TNR: variants seen among roughly 807,000 people sequenced by gnomAD.
The protein encoded by TNR is tenascin-R.
In TNR, 45 loss-of-function variants were observed where a neutral mutation model predicts 150.4. The ratio of observed to expected loss-of-function variants is 0.30; its 90% CI spans 0.24 to 0.38. The LOEUF (loss-of-function observed/expected upper bound fraction) is 0.38, where lower values mean the gene tolerates loss of function less well. Among genes scored for constraint, TNR ranks in the 10% least tolerant of loss-of-function variants. The pLI is 1.00. For missense variants in TNR, 1,544 were observed against 1,759.1 expected, an observed-to-expected ratio of 0.88 and a Z score of 2.19; for synonymous variants, 687 against 678.4, an observed-to-expected ratio of 1.01 and a Z score of -0.20.
intron 1 of TNR, among the ~76,000 whole-genome samples, chr1:175,727,186 C>A (rs1667503831): frequency 6.6e-6 from 1 of 152,176 alleles, no homozygotes; most frequent in Admixed American, 6.5e-5. Flanking sequence ...AATTGTGAAT[C>A]TTTTTAGAAG....
At chr1:175,523,679 T>A (rs1459944941) in intron 2 of TNR, among the ~76,000 whole-genome samples, 1 of 152,182 alleles carries the variant, frequency 6.6e-6, no homozygotes, top group African/African-American at 2.4e-5. Context: ...GAGGTCTGTA[T>A]CACCTCTCAT....
intron 2 of TNR, among the ~76,000 whole-genome samples, chr1:175,514,850 G>T (rs1659335483): frequency 6.6e-6 from 1 of 152,226 alleles, no homozygotes; most frequent in Non-Finnish European, 1.5e-5. Flanking sequence ...GAGATTTCCT[G>T]TGGGGCTGGA....
chr1:175,519,704 C>G (rs572100597), intron 2 of TNR, among the ~76,000 whole-genome samples: 1 of 152,348 alleles, frequency 6.6e-6, no homozygotes, highest in Non-Finnish European at 1.5e-5. Context: ...GCCCTGCTTT[C>G]CTTTCAGAAC....
At chr1:175,726,050 C>T (rs1019628018) in intron 1 of TNR, among the ~76,000 whole-genome samples, 5 of 152,124 alleles carry the variant, frequency 3.3e-5, no homozygotes, top group East Asian at 3.8e-4. Context: ...GTTTCCAGCA[C>T]GTCTTTCATA....
At chr1:175,423,173 G>A (rs1224384202) in intron 2 of TNR, among the ~76,000 whole-genome samples, 1 of 152,176 alleles carries the variant, frequency 6.6e-6, no homozygotes. Flanking sequence ...CATAATTGAT[G>A]GGAAGGTATC....
chr1:175,674,674 T>C (rs1665808362), intron 1 of TNR, among the ~76,000 whole-genome samples: 3 of 152,146 alleles, frequency 2.0e-5, no homozygotes, highest in African/African-American at 7.2e-5. Context: ...TACAGTAGCC[T>C]GACTCCTCCA....
intron 1 of TNR, among the ~76,000 whole-genome samples, chr1:175,581,275 A>G (rs1392103884): frequency 1.3e-5 from 2 of 152,200 alleles, no homozygotes; most frequent in African/African-American, 2.4e-5. Flanking sequence ...ATAGAATGCC[A>G]TAGATGCGTC....
intron 1 of TNR, among the ~76,000 whole-genome samples, chr1:175,574,032 T>C (rs1447530650): frequency 6.6e-6 from 1 of 152,178 alleles, no homozygotes; most frequent in Non-Finnish European, 1.5e-5. Context: ...ATCCCAGTTG[T>C]TTTTTATCTC....
At chr1:175,359,540 A>G (rs1651493614) in intron 15 of TNR, 72 bp downstream of exon 15, 11 of 1,609,012 alleles carry the variant, frequency 6.8e-6, no homozygotes, top group Non-Finnish European at 9.3e-6. Flanking sequence ...TTGTTTATTC[A>G]CATCATACTG....
intron 1 of TNR, among the ~76,000 whole-genome samples, chr1:175,692,152 AGG>A (rs1252405073): frequency 2.0e-5 from 3 of 152,222 alleles, no homozygotes; most frequent in African/African-American, 7.2e-5. Context: ...AGGGAATAAG[AGG>A]GATAAAATGA....
In TNR at chr1:175,626,977, C is replaced by G. The variant is rs547968153; in HGVS notation, c.-164-98608G>C. 4.6e-5 allele frequency among the ~76,000 whole-genome samples: 7 copies of G among 152,314 alleles called. No individual in the cohort carries two copies. In the East Asian group the frequency reaches 1.2e-3, roughly 25 times the overall value. ...AAGGAATGCCTGGAGCCCCCAGAAG[C>G]TGGAAGAGCAAGAAAAGATTTTTCC... is the stretch of plus-strand genomic sequence containing the variant. On this transcript the variant is annotated intron_variant, in intron 1 of 22. Transcript: ENST00000367674.
intron 1 of TNR, among the ~76,000 whole-genome samples, chr1:175,686,046 C>G (rs561536173): frequency 1.3e-5 from 2 of 152,078 alleles, no homozygotes; most frequent in South Asian, 2.1e-4. Flanking sequence ...TTTGATTGCA[C>G]GCACACACGC....
chr1:175,729,928 G>A (rs955085695), intron 1 of TNR, among the ~76,000 whole-genome samples: 36 of 152,178 alleles, frequency 2.4e-4, no homozygotes, highest in East Asian at 1.5e-3. Context: ...CATCTCAATC[G>A]TCAATAAAAT....
intron 1 of TNR, among the ~76,000 whole-genome samples, chr1:175,639,294 G>A (rs1222162983): frequency 6.6e-6 from 1 of 152,174 alleles, no homozygotes; most frequent in Non-Finnish European, 1.5e-5. Flanking sequence ...CCACCTGGTA[G>A]CATGTAGTTC....
chr1:175,713,747 T>A (rs1170082045), intron 1 of TNR, among the ~76,000 whole-genome samples: 2 of 152,068 alleles, frequency 1.3e-5, no homozygotes, highest in Non-Finnish European at 2.9e-5. Flanking sequence ...AAAAGAACCA[T>A]CTCTGATCAA....
At position 175,400,748 on chromosome 1, in the gene TNR, C is replaced by T. The variant is rs137864161; in HGVS notation, c.976+2392G>A. 9.8e-5 allele frequency among the ~76,000 whole-genome samples: 15 copies of T among 152,288 alleles called. No homozygotes were observed. In the East Asian group the frequency reaches 2.9e-3, roughly 29 times the overall value. ...ACCCTTCTCTCTCCTCTCCTCAGTC[C>T]CATGGGCAATGGGAACATCGTGCTG... On this transcript the variant is annotated intron_variant, in intron 4 of 22. Coordinates refer to ENST00000367674, the MANE Select transcript of TNR (RefSeq NM_003285.3).
intron 1 of TNR, among the ~76,000 whole-genome samples, chr1:175,690,562 G>A (rs1264871314): frequency 1.3e-5 from 2 of 152,234 alleles, no homozygotes; most frequent in African/African-American, 2.4e-5. Context: ...GGGAAGACCC[G>A]TGTGGCTGTA....
At chr1:175,675,541 C>T (rs1402097185) in intron 1 of TNR, among the ~76,000 whole-genome samples, 1 of 152,216 alleles carries the variant, frequency 6.6e-6, no homozygotes, top group Admixed American at 6.5e-5. Context: ...ATGGTGGTTC[C>T]ACACAGCAGA....
intron 1 of TNR, among the ~76,000 whole-genome samples, chr1:175,697,344 C>G (rs1385961827): frequency 8.9e-6 from 1 of 112,992 alleles, no homozygotes; most frequent in Non-Finnish European, 1.9e-5. Flanking sequence ...CTCCTTTCTA[C>G]GTCTTTTTTT....
Sources: gnomAD v4.1 joint callset for allele counts (sites outside exome capture counted in the v4.1 genomes callset) on GRCh38, gnomAD v4.1.1 for gene constraint, MANE v1.5 for transcripts, NCBI Gene and HGNC (gene_info 2026-07-23, HGNC 2026-07-21) for gene names.